Variants in MARF1 observed in about 807,000 individuals in gnomAD.
The protein encoded by MARF1 is limkain-b1.
MARF1 carries 24 observed loss-of-function variants against 168.2 expected under a neutral mutation model. That is an observed-to-expected ratio of 0.14 (90% CI 0.10 to 0.20). The LOEUF is 0.20. Among genes scored for constraint, MARF1 ranks in the 10% least tolerant of loss-of-function variants. The probability of loss-of-function intolerance (pLI) is 1.00; values close to 1 mark genes in which losing one functional copy is unlikely to be tolerated. For synonymous variants in MARF1, 868 were observed against 822.4 expected (o/e 1.06, Z -0.95); for missense variants, 1,744 against 2,143.6 (o/e 0.81, Z 3.68).
At chr16:15,607,874 C>T (rs944513395) in intron 21 of MARF1, among the ~76,000 whole-genome samples, 2 of 152,176 alleles carry the variant, frequency 1.3e-5, no homozygotes, top group African/African-American at 4.8e-5. Context: ...AAGCCTACTC[C>T]TAAGTGGGTG....
At position 15,630,694 on chromosome 16, in the gene MARF1, C is replaced by T. The variant is rs557402228; in HGVS notation, c.1352-190G>A. ...GTAAGACAATCTTACCAAAAGAATT[C>T]CAAGACACATATGTTACTTTCAGTA... On this transcript the variant is annotated intron_variant, in intron 6 of 26. Transcript: ENST00000396368. Among the ~76,000 whole-genome samples, 5 of 151,820 alleles carry T rather than the reference C, an allele frequency of 3.3e-5. No individual in the cohort carries two copies. In the East Asian group the frequency reaches 9.7e-4, roughly 29 times the overall value.
chr16:15,622,594 G>A (rs532842097), intron 11 of MARF1, among the ~76,000 whole-genome samples: 365 of 152,214 alleles, frequency 2.4e-3, no homozygotes, highest in Admixed American at 3.9e-3. Context: ...CACTCGCCAG[G>A]CTGGTCTCAA....
intron 13 of MARF1, among the ~76,000 whole-genome samples, chr16:15,618,002 C>A (rs893831212): frequency 1.3e-5 from 2 of 152,210 alleles, no homozygotes; most frequent in African/African-American, 4.8e-5. Flanking sequence ...TGACCTGTAT[C>A]TTTCTTACTT....
At chr16:15,617,929 TCTC>T (rs2034185639) in intron 13 of MARF1, among the ~76,000 whole-genome samples, 1 of 152,090 alleles carries the variant, frequency 6.6e-6, no homozygotes, top group Non-Finnish European at 1.5e-5. Context: ...CCCTCTCAAC[TCTC>T]CTATGCCTCA....
chr16:15,618,933 C>T (rs923926309), intron 13 of MARF1, among the ~76,000 whole-genome samples: 9 of 152,324 alleles, frequency 5.9e-5, no homozygotes, highest in African/African-American at 1.9e-4. Context: ...CAAGGCAAAA[C>T]ACTCAGAATC....
In MARF1 at chr16:15,609,639, G is replaced by A. The variant is rs756682071; in HGVS notation, c.3838C>T (p.Pro1280Ser). The change falls in exon 20 of 27, where the codon CCC becomes TCC. Residue 1280 changes from proline to serine, a missense_variant. Coordinates refer to ENST00000396368, the MANE Select transcript of MARF1 (RefSeq NM_014647.4). ...LLRHQPHFRM[P>S]FNKFIPSYHH... ...TAAGAAGGGATAAATTTATTAAAGG[G>A]CATCCGGAAATGGGGTTGGTGACGC... 1 of 1,614,104 alleles carries A rather than the reference G, an allele frequency of 6.2e-7. No individual in the cohort carries two copies. Among genetic ancestry groups the A allele is most frequent in the Admixed American group, 1.7e-5 (1 of 60,018 alleles).
intron 16 of MARF1, among the ~76,000 whole-genome samples, chr16:15,614,771 C>A (rs575664013): frequency 6.6e-6 from 1 of 151,500 alleles, no homozygotes; most frequent in East Asian, 2.0e-4. Flanking sequence ...CCAGCCTGGG[C>A]AACAGAGCAA....
chr16:15,623,803 TGAAA>T (rs1268578335), intron 10 of MARF1, among the ~76,000 whole-genome samples: 2 of 152,216 alleles, frequency 1.3e-5, no homozygotes, highest in East Asian at 3.8e-4. Context: ...TCTGTGTCTC[TGAAA>T]GAGTTAAACG....
intron 21 of MARF1, among the ~76,000 whole-genome samples, chr16:15,607,741 G>A (rs2151077870): frequency 1.3e-5 from 2 of 152,262 alleles, no homozygotes; most frequent in East Asian, 3.9e-4. Context: ...GCCGAAAACT[G>A]GCAGCTGCTC....
intron 10 of MARF1, 149 bp from the exon 11 acceptor site, chr16:15,623,272 A>AAAT: frequency 3.5e-6 from 1 of 287,984 alleles, no homozygotes; most frequent in Non-Finnish European, 5.6e-6. Context: ...TGTGTTTTTA[A>AAAT]TCTTTTTTTT....
chr16:15,626,092 T>TC (rs1306021925), intron 7 of MARF1, among the ~76,000 whole-genome samples: 1 of 152,086 alleles, frequency 6.6e-6, no homozygotes, highest in East Asian at 1.9e-4. Context: ...GCCACTGCAC[T>TC]CCACTCTGAG....
intron 22 of MARF1, chr16:15,602,494 C>T (rs760156473): frequency 1.6e-4 from 89 of 544,960 alleles, no homozygotes; most frequent in Non-Finnish European, 2.4e-4. Context: ...AAGACGAAGA[C>T]AAGACGAAGA....
rs2032010525 is a variant in MARF1, at chr16:15,598,560, GAGC to G, written c.4984+291_4984+293del. 2.6e-5 allele frequency among the ~76,000 whole-genome samples: 4 copies of G among 152,100 alleles called. No homozygotes were observed. The South Asian group carries it at 8.3e-4, about 32-fold the overall frequency. The stretch of plus-strand genomic sequence containing the variant: ...AGCTGAACCTTCACAAAGTCTGGGA[GAGC>G]AGAAGCCCAGGAGGCCCCACCCACC... On this transcript the variant is annotated intron_variant, in intron 26 of 26. Coordinates refer to ENST00000396368, the MANE Select transcript of MARF1 (RefSeq NM_014647.4).
intron 16 of MARF1, among the ~76,000 whole-genome samples, chr16:15,613,431 C>A (rs1285102872): frequency 6.6e-6 from 1 of 151,754 alleles, no homozygotes; most frequent in Non-Finnish European, 1.5e-5. Flanking sequence ...GGGCGGATCA[C>A]GAGGTCAGGA....
At chr16:15,620,587 T>G (rs1363226281) in intron 12 of MARF1, 56 bp from the exon 13 acceptor site, 1 of 1,148,724 alleles carries the variant, frequency 8.7e-7, no homozygotes, top group East Asian at 2.5e-5. Context: ...TTACAAGTTA[T>G]ATAAACAGAG....
chr16:15,625,562 T>G lies in MARF1; in HGVS notation c.1763A>C (p.Glu588Ala), dbSNP rs779224434. ...ATTTGAACTCTTTGTTTCACAGAGTTCTCTATTTTTTGGAGTAAATGACAC... is the reference window on the plus strand; with the variant it reads ...ATTTGAACTCTTTGTTTCACAGAGTGCTCTATTTTTTGGAGTAAATGACAC... ...IIVSFTPKNR[E>A]LCETKSSNAI... The change falls in exon 8 of 27, where the codon GAA becomes GCA. Residue 588 changes from glutamate to alanine, a missense_variant. This residue lies in a region of MARF1 where 270 missense variants were observed against 260.6 expected (regional missense o/e 1.04). Transcript: ENST00000396368. 13 of 1,614,062 alleles carry G rather than the reference T, an allele frequency of 8.1e-6. 1 individual carries two copies. Among genetic ancestry groups the G allele is most frequent in the Admixed American group, 6.7e-5 (4 of 60,002 alleles).
intron 21 of MARF1, among the ~76,000 whole-genome samples, chr16:15,607,056 C>T (rs1176788450): frequency 2.0e-5 from 3 of 152,148 alleles, no homozygotes; most frequent in African/African-American, 7.2e-5. Context: ...ACCTGGAAGT[C>T]AGGCAGTCCC....
chr16:15,609,421 G>A (rs954326955), intron 20 of MARF1, 102 bp downstream of exon 20: 43 of 903,676 alleles, frequency 4.8e-5, no homozygotes, highest in Middle Eastern at 2.9e-4. Context: ...ATCCTCTTTC[G>A]TAACTCCCTA....
chr16:15,614,813 T>C (rs2033914073), intron 16 of MARF1, among the ~76,000 whole-genome samples: 1 of 151,784 alleles, frequency 6.6e-6, no homozygotes, highest in Non-Finnish European at 1.5e-5. Context: ...AGACAGAGCT[T>C]CACTCTTGTC....
Sources: allele counts gnomAD v4.1 joint callset (sites outside exome capture counted in the v4.1 genomes callset), GRCh38; gene constraint gnomAD v4.1.1; regional missense constraint gnomAD v4.1.1; transcripts MANE v1.5; gene names NCBI Gene and HGNC (gene_info 2026-07-23, HGNC 2026-07-21).